The following SHANK2 variants were observed in gnomAD, a reference collection of about 807,000 sequenced individuals.
SHANK2 encodes the protein SH3 and multiple ankyrin repeat domains 2.
A neutral mutation model predicts 133.7 loss-of-function variants in SHANK2; 43 were observed. The ratio of observed to expected loss-of-function variants is 0.32; its 90% CI spans 0.25 to 0.41. The LOEUF (loss-of-function observed/expected upper bound fraction) is 0.41, where lower values mean the gene tolerates loss of function less well. Among genes scored for constraint, SHANK2 ranks in the 10% least tolerant of loss-of-function variants. The pLI is 1.00. For missense variants in SHANK2, 1,994 were observed against 2,235.8 expected, an observed-to-expected ratio of 0.89 and a Z score of 2.18; for synonymous variants, 1,017 against 952.8, an observed-to-expected ratio of 1.07 and a Z score of -1.24.
chr11:70,924,774 T>G (rs1555081248), intron 10 of SHANK2, among the ~76,000 whole-genome samples: 2 of 152,210 alleles, frequency 1.3e-5, no homozygotes. Flanking sequence ...TGATACTTGA[T>G]AAGGGTTTTA....
intron 2 of SHANK2, among the ~76,000 whole-genome samples, chr11:71,148,133 G>A (rs1175177789): frequency 3.3e-5 from 5 of 150,326 alleles, no homozygotes; most frequent in African/African-American, 9.8e-5. Flanking sequence ...CGCCCAGGCT[G>A]GAGTGCAATG....
intron 2 of SHANK2, among the ~76,000 whole-genome samples, chr11:71,157,998 G>T (rs1427840042): frequency 6.6e-6 from 1 of 152,138 alleles, no homozygotes; most frequent in African/African-American, 2.4e-5. Context: ...GGACAGCCTG[G>T]GGGGACACAA....
At chr11:71,140,244 GA>G (rs1555105517) in intron 3 of SHANK2, among the ~76,000 whole-genome samples, 2 of 152,240 alleles carry the variant, frequency 1.3e-5, no homozygotes, top group African/African-American at 4.8e-5. Context: ...GAAGGTTCCA[GA>G]AACAACCAGG....
intron 17 of SHANK2, among the ~76,000 whole-genome samples, chr11:70,658,001 T>C (rs1320230307): frequency 1.3e-5 from 2 of 152,160 alleles, no homozygotes; most frequent in Non-Finnish European, 2.9e-5. Flanking sequence ...CACGTTTCTC[T>C]TATTGATGAG....
intron 17 of SHANK2, chr11:70,654,088 CT>C (rs2061374715): frequency 6.6e-6 from 1 of 152,234 alleles, no homozygotes; most frequent in Non-Finnish European, 1.5e-5. Context: ...TCGAGCACCA[CT>C]TTTCAAGGAT....
At chr11:70,871,819 T>C (rs1398536010) in intron 11 of SHANK2, among the ~76,000 whole-genome samples, 1 of 152,188 alleles carries the variant, frequency 6.6e-6, no homozygotes, top group Non-Finnish European at 1.5e-5. Context: ...GAGAGACTCT[T>C]TGAAGCCGTC....
At chr11:70,587,310 C>T (rs1355814973) in intron 17 of SHANK2, among the ~76,000 whole-genome samples, 1 of 152,142 alleles carries the variant, frequency 6.6e-6, no homozygotes, top group African/African-American at 2.4e-5. Flanking sequence ...GCAGCCTGGC[C>T]AACAGGACCC....
At chr11:70,620,340 T>A (rs976150243) in intron 17 of SHANK2, among the ~76,000 whole-genome samples, 1 of 152,172 alleles carries the variant, frequency 6.6e-6, no homozygotes, top group Non-Finnish European at 1.5e-5. Context: ...AAAAATGTAA[T>A]TGTTTTGTGC....
intron 14 of SHANK2, among the ~76,000 whole-genome samples, chr11:70,765,769 C>T (rs1175888510): frequency 6.6e-6 from 1 of 152,200 alleles, no homozygotes; most frequent in African/African-American, 2.4e-5. Flanking sequence ...AAGTCCCTCC[C>T]CAGCTCAGGC....
chr11:71,202,484 GC>G (rs1234590163), intron 2 of SHANK2, among the ~76,000 whole-genome samples: 41 of 152,180 alleles, frequency 2.7e-4, no homozygotes, highest in African/African-American at 9.4e-4. Flanking sequence ...GCGAGACAAG[GC>G]AGAGCTAGGA....
At chr11:71,167,277 T>C (rs1953172970) in intron 2 of SHANK2, among the ~76,000 whole-genome samples, 1 of 152,132 alleles carries the variant, frequency 6.6e-6, no homozygotes, top group Non-Finnish European at 1.5e-5. Flanking sequence ...ATTGTCATCA[T>C]GGCCCATTCT....
chr11:71,123,396 G>A (rs1283642916), intron 3 of SHANK2, among the ~76,000 whole-genome samples: 2 of 152,236 alleles, frequency 1.3e-5, no homozygotes, highest in African/African-American at 2.4e-5. Flanking sequence ...GGACCCAGAG[G>A]AAGGAGTAAG....
At chr11:70,671,521 G>C (rs1334423065) in intron 15 of SHANK2, among the ~76,000 whole-genome samples, 1 of 152,230 alleles carries the variant, frequency 6.6e-6, no homozygotes, top group Non-Finnish European at 1.5e-5. Flanking sequence ...AAGGCTATTA[G>C]CATGTGAGAA....
chr11:70,950,824 TTTG>T (rs782808631), intron 10 of SHANK2, among the ~76,000 whole-genome samples: 114 of 152,050 alleles, frequency 7.5e-4, no homozygotes, highest in Non-Finnish European at 1.4e-3. Context: ...TGTTTTTTGT[TTTG>T]TTATGTTTTG....
At chr11:70,786,072 A>G (rs1947647557) in intron 14 of SHANK2, among the ~76,000 whole-genome samples, 2 of 152,140 alleles carry the variant, frequency 1.3e-5, no homozygotes. Flanking sequence ...GGTAAGCGGG[A>G]CCGTGCCAGA....
At chr11:71,089,741 A>G (rs1480392191) in intron 8 of SHANK2, among the ~76,000 whole-genome samples, 2 of 152,176 alleles carry the variant, frequency 1.3e-5, no homozygotes, top group East Asian at 3.9e-4. Flanking sequence ...GAAACAGCTC[A>G]GACACAAATG....
At chr11:71,210,254 T>TATATATATATATATA (rs1565516818) in intron 2 of SHANK2, among the ~76,000 whole-genome samples, 2 of 59,960 alleles carry the variant, frequency 3.3e-5, no homozygotes, top group Non-Finnish European at 6.0e-5. Context: ...ATATATATAT[T>TATATATATATATATA]TATTTATTTT....
chr11:70,664,443 A>G (rs906333498), intron 15 of SHANK2, among the ~76,000 whole-genome samples: 13 of 152,204 alleles, frequency 8.5e-5, no homozygotes, highest in African/African-American at 2.9e-4. Context: ...GCTGTCTGCA[A>G]GAGGAGCTGC....
intron 8 of SHANK2, among the ~76,000 whole-genome samples, chr11:71,085,901 A>AT (rs1565441988): frequency 1.3e-3 from 1 of 784 alleles, no homozygotes; most frequent in Non-Finnish European, 1.9e-3. Flanking sequence ...TATATATATT[A>AT]ATTATATATT....
Sources: allele counts gnomAD v4.1 joint callset (sites outside exome capture counted in the v4.1 genomes callset), GRCh38; gene constraint gnomAD v4.1.1; transcripts MANE v1.5; gene names NCBI Gene and HGNC (gene_info 2026-07-23, HGNC 2026-07-21).